Variants in SAE1 observed in about 807,000 individuals in gnomAD.
SAE1 encodes SUMO-activating enzyme subunit 1.
SAE1 carries 11 observed loss-of-function variants against 40.6 expected under a neutral mutation model. The observed-to-expected ratio is 0.27, with a 90% confidence interval of 0.17 to 0.45. SAE1 has a LOEUF of 0.45. Among genes scored for constraint, SAE1 ranks in the 20% least tolerant of loss-of-function variants. The pLI, the probability that SAE1 is intolerant of heterozygous loss-of-function variation, is 1.00. For missense variants in SAE1, 373 were observed against 427.3 expected, an observed-to-expected ratio of 0.87 and a Z score of 1.12; for synonymous variants, 155 against 154.3, an observed-to-expected ratio of 1.00 and a Z score of -0.03.
chr19:47,170,485 C>A (rs148581540), intron 6 of SAE1, among the ~76,000 whole-genome samples: 1,620 of 144,196 alleles, frequency 0.011, 18 homozygotes, highest in Non-Finnish European at 0.019. Flanking sequence ...CAACCAACTT[C>A]TCTTCACCGC....
chr19:47,150,199 T>A lies in SAE1; in HGVS notation c.211-3T>A. ...CTTAAAAAAATATGTGTATTATTCCTAGGTAACTCCAGAAGATCCCGGAGC... is the reference window on the plus strand; with the variant it reads ...CTTAAAAAAATATGTGTATTATTCCAAGGTAACTCCAGAAGATCCCGGAGC... On this transcript the variant is annotated splice_region_variant and splice_polypyrimidine_tract_variant and intron_variant, in intron 2 of 8. Transcript: ENST00000270225. 1 of 1,569,908 alleles carries A rather than the reference T, an allele frequency of 6.4e-7. No homozygotes were observed. The highest frequency in any genetic ancestry group is 1.4e-5 in the African/African-American group (1 of 72,740).
intron 5 of SAE1, among the ~76,000 whole-genome samples, chr19:47,165,974 C>T (rs2058389632): frequency 6.6e-6 from 1 of 152,154 alleles, no homozygotes; most frequent in South Asian, 2.1e-4. Context: ...ATCTGATTGG[C>T]CTGGTTGGGG....
chr19:47,143,053 CCTGT>C (rs2058231959), intron 1 of SAE1, among the ~76,000 whole-genome samples: 1 of 152,130 alleles, frequency 6.6e-6, no homozygotes, highest in Non-Finnish European at 1.5e-5. Context: ...TGGATTAGAG[CCTGT>C]CTCTTTCCTA....
chr19:47,193,924 GA>G (rs1251388677), intron 6 of SAE1, among the ~76,000 whole-genome samples: 2 of 151,864 alleles, frequency 1.3e-5, no homozygotes, highest in Non-Finnish European at 2.9e-5. Flanking sequence ...AGTTACCAGA[GA>G]AATACAGGCC....
chr19:47,155,680 GAT>G (rs2058318520), intron 5 of SAE1, among the ~76,000 whole-genome samples: 1 of 150,314 alleles, frequency 6.7e-6, no homozygotes, highest in African/African-American at 2.5e-5. Flanking sequence ...GACCTCAGGT[GAT>G]CCACCCGCCT....
At chr19:47,205,198 A>C (rs1166604818) in intron 8 of SAE1, among the ~76,000 whole-genome samples, 1 of 152,064 alleles carries the variant, frequency 6.6e-6, no homozygotes, top group Non-Finnish European at 1.5e-5. Context: ...ATGTCCATGT[A>C]CATGTCAAGT....
At chr19:47,197,848 G>A (rs1401570038) in intron 7 of SAE1, among the ~76,000 whole-genome samples, 2 of 152,302 alleles carry the variant, frequency 1.3e-5, no homozygotes, top group East Asian at 1.9e-4. Context: ...TCGTACGTGT[G>A]CAGGTACAAC....
chr19:47,172,563 A>T lies in SAE1; in HGVS notation c.733+2640A>T, dbSNP rs142321047. ...TACTAAAAATACAAAAATTAGCCGG[A>T]TGAGGTGGTGTGCGCCTGTAATCCC... On this transcript the variant is annotated intron_variant, in intron 6 of 8. Transcript: ENST00000270225. Among the ~76,000 whole-genome samples, 1,470 of 152,074 alleles carry T rather than the reference A, an allele frequency of 9.7e-3. 23 individuals carry two copies. The highest frequency in any genetic ancestry group is 0.033 in the African/African-American group (1,390 of 41,502).
chr19:47,184,813 G>A (rs1263264745), intron 6 of SAE1, among the ~76,000 whole-genome samples: 3 of 150,056 alleles, frequency 2.0e-5, no homozygotes, highest in Middle Eastern at 3.2e-3. Context: ...GTTTTGTTTT[G>A]TTTTGTTTTG....
chr19:47,203,630 T>G (rs1184490090), intron 7 of SAE1, 41 bp from the exon 8 acceptor site: 2 of 1,576,064 alleles, frequency 1.3e-6, no homozygotes, highest in South Asian at 2.2e-5. Context: ...GTCACAGTTC[T>G]GTTCCCAGTG....
At chr19:47,167,462 G>C (rs955810354) in intron 5 of SAE1, among the ~76,000 whole-genome samples, 5 of 148,754 alleles carry the variant, frequency 3.4e-5, no homozygotes, top group African/African-American at 5.0e-5. Context: ...GGATGGTCTC[G>C]ATCTCCTGAC....
chr19:47,184,692 T>C (rs1490107585), intron 6 of SAE1, among the ~76,000 whole-genome samples: 4 of 151,780 alleles, frequency 2.6e-5, no homozygotes, highest in African/African-American at 4.8e-5. Context: ...ATTACAGGCG[T>C]GAGCCACCAC....
chr19:47,197,492 T>C (rs2058623803), intron 7 of SAE1, 115 bp downstream of exon 7: 2 of 797,434 alleles, frequency 2.5e-6, no homozygotes, highest in Non-Finnish European at 2.0e-6. Context: ...CCCTGCCACA[T>C]TCTGCTCGCT....
intron 3 of SAE1, among the ~76,000 whole-genome samples, chr19:47,150,637 C>T (rs976964737): frequency 1.3e-5 from 2 of 152,188 alleles, no homozygotes; most frequent in Non-Finnish European, 2.9e-5. Flanking sequence ...TATGTTCCCT[C>T]AGCCAGGTTT....
At position 47,209,144 on chromosome 19, in the gene SAE1, C is replaced by T. The variant is rs533901033; in HGVS notation, c.949-15C>T. 112 of 1,611,858 alleles carry T rather than the reference C, an allele frequency of 6.9e-5. No homozygotes were observed. Among genetic ancestry groups the T allele is most frequent in the Non-Finnish European group, 9.2e-5 (108 of 1,178,820 alleles). On this transcript the variant is annotated splice_polypyrimidine_tract_variant and intron_variant, in intron 8 of 8. Transcript: ENST00000270225. ...AAGCACTTGAGCTAAACCCTCTTTTCATTTTTCTCCCCAGGCCCTGTCTCA... is the reference window on the plus strand; with the variant it reads ...AAGCACTTGAGCTAAACCCTCTTTTTATTTTTCTCCCCAGGCCCTGTCTCA...
intron 6 of SAE1, among the ~76,000 whole-genome samples, chr19:47,170,177 A>T (rs900148366): frequency 2.0e-5 from 3 of 152,118 alleles, no homozygotes; most frequent in Non-Finnish European, 2.9e-5. Flanking sequence ...TTATGGTAAT[A>T]GTGTTACAGG....
chr19:47,147,178 A>T (rs955149545), intron 2 of SAE1, among the ~76,000 whole-genome samples: 2 of 150,368 alleles, frequency 1.3e-5, no homozygotes, highest in African/African-American at 4.9e-5. Context: ...TAGTGATGAA[A>T]TGATAATTGT....
At chr19:47,168,225 T>C (rs1242971607) in intron 5 of SAE1, among the ~76,000 whole-genome samples, 1 of 152,106 alleles carries the variant, frequency 6.6e-6, no homozygotes, top group East Asian at 1.9e-4. Flanking sequence ...AAAACTGTTT[T>C]TTTGTATGTG....
intron 6 of SAE1, among the ~76,000 whole-genome samples, chr19:47,186,693 T>A (rs2058546670): frequency 6.6e-6 from 1 of 151,888 alleles, no homozygotes; most frequent in South Asian, 2.1e-4. Flanking sequence ...CAGTAGAGAG[T>A]GAGATGCAAA....
Sources: gnomAD v4.1 joint callset for allele counts (sites outside exome capture counted in the v4.1 genomes callset) on GRCh38, gnomAD v4.1.1 for gene constraint, MANE v1.5 for transcripts, NCBI Gene and HGNC (gene_info 2026-07-23, HGNC 2026-07-21) for gene names.